The following SLC24A1 variants were observed in gnomAD, a reference collection of about 807,000 sequenced individuals.
The protein encoded by SLC24A1 is solute carrier family 24 member 1, also known as sodium/potassium/calcium exchanger 1.
SLC24A1 carries 52 observed loss-of-function variants against 88.1 expected under a neutral mutation model. That is an observed-to-expected ratio of 0.59 (90% CI 0.47 to 0.74). The LOEUF is 0.74. Among genes scored for constraint, SLC24A1 ranks in the 30% least tolerant of loss-of-function variants. The pLI, the probability that SLC24A1 is intolerant of heterozygous loss-of-function variation, is 0.00. For synonymous variants in SLC24A1, 455 were observed against 498.0 expected (o/e 0.91, Z 1.15); for missense variants, 1,173 against 1,363.3 (o/e 0.86, Z 2.20).
Position 65,655,305 on chromosome 15 carries a change from G to A in SLC24A1, c.*1226G>A, listed in dbSNP as rs1009208034. On this transcript the variant is annotated 3_prime_UTR_variant, in exon 10 of 10. Coordinates refer to ENST00000261892, the MANE Select transcript of SLC24A1 (RefSeq NM_004727.3). The stretch of plus-strand genomic sequence containing the variant: ...CTATTTTTGTATGCCAACCTAGATA[G>A]GATTATAAAGCAAGACTGATTTCTT... 1 of 985,448 alleles carries A rather than the reference G, an allele frequency of 1.0e-6. No homozygotes were observed. The highest frequency in any genetic ancestry group is 1.7e-5 in the African/African-American group (1 of 57,330). The allele number at this position is 985,448 out of a possible 1,614,324, so 61.0% of individuals were successfully genotyped here.
intron 6 of SLC24A1, 82 bp downstream of exon 6, chr15:65,645,785 G>A (rs2075283431): frequency 3.4e-6 from 3 of 889,684 alleles, no homozygotes; most frequent in African/African-American, 1.7e-5. Flanking sequence ...CTCCCTGAAG[G>A]TCTGAAATCC....
intron 2 of SLC24A1, among the ~76,000 whole-genome samples, chr15:65,615,893 A>G (rs1220883733): frequency 8.3e-5 from 1 of 12,076 alleles, no homozygotes; most frequent in Non-Finnish European, 1.7e-4. Flanking sequence ...CCCACCCCCC[A>G]ACAGGCCCCA....
chr15:65,654,681 T>C lies in SLC24A1; in HGVS notation c.*602T>C, dbSNP rs1297720948. 1.8e-5 allele frequency: 23 copies of C among 1,271,658 alleles called. No individual in the cohort carries two copies. Among genetic ancestry groups the C allele is most frequent in the Non-Finnish European group, 2.3e-5 (23 of 983,698 alleles). The allele number at this position is 1,271,658 out of a possible 1,614,324, so 78.8% of individuals were successfully genotyped here. A position where few individuals can be genotyped will look rare whatever the true frequency, so the allele number is the denominator to read the frequency against. On this transcript the variant is annotated 3_prime_UTR_variant, in exon 10 of 10. Transcript: ENST00000261892. Reference sequence around the variant, plus strand: ...GATCATTCCACGTTTTGTAGCCCACTGCATCTGGATATATACCAGTATTTT... The same window carrying C: ...GATCATTCCACGTTTTGTAGCCCACCGCATCTGGATATATACCAGTATTTT...
At chr15:65,647,225 C>A (rs2075329933) in intron 6 of SLC24A1, among the ~76,000 whole-genome samples, 1 of 152,124 alleles carries the variant, frequency 6.6e-6, no homozygotes, top group Admixed American at 6.5e-5. Flanking sequence ...CACCTGTAAT[C>A]CCTGCACTTT....
upstream of SLC24A1, among the ~76,000 whole-genome samples, chr15:65,619,967 A>G (rs1261798509): frequency 6.6e-6 from 1 of 151,972 alleles, no homozygotes; most frequent in Non-Finnish European, 1.5e-5. Flanking sequence ...AAAGATCATG[A>G]GCTTTTTGAG....
chr15:65,629,131 T>G (rs1457009939), intron 2 of SLC24A1, among the ~76,000 whole-genome samples: 1 of 152,216 alleles, frequency 6.6e-6, no homozygotes, highest in African/African-American at 2.4e-5. Flanking sequence ...GGTATTCTTC[T>G]TCCTGAGCAA....
In SLC24A1 at chr15:65,652,638, C is replaced by T. The variant is rs1173133254; in HGVS notation, c.2884-4C>T. On this transcript the variant is annotated splice_region_variant and splice_polypyrimidine_tract_variant and intron_variant, in intron 8 of 9. Coordinates refer to ENST00000261892, the MANE Select transcript of SLC24A1 (RefSeq NM_004727.3). ...ACCTACTGTTGACCGTTGCCGTTTA[C>T]CAGGTTGGTGAAACAATAGGGATTT... is the stretch of plus-strand genomic sequence containing the variant. 1 of 1,613,458 alleles carries T rather than the reference C, an allele frequency of 6.2e-7. No homozygotes were observed. The highest frequency in any genetic ancestry group is 8.5e-7 in the Non-Finnish European group (1 of 1,179,692).
chr15:65,649,514 T>A (rs530907372), intron 6 of SLC24A1, among the ~76,000 whole-genome samples: 1 of 152,268 alleles, frequency 6.6e-6, no homozygotes, highest in East Asian at 1.9e-4. Context: ...GGACCACCCA[T>A]ATTCAAATCC....
intron 1 of SLC24A1, among the ~76,000 whole-genome samples, chr15:65,622,555 T>A (rs2074354960): frequency 6.6e-6 from 1 of 152,148 alleles, no homozygotes; most frequent in East Asian, 1.9e-4. Context: ...TAATATATCA[T>A]ATGCAAAACT....
chr15:65,627,790 A>G lies in SLC24A1; in HGVS notation c.1890+1820A>G, dbSNP rs1271469657. Reference sequence around the variant, plus strand: ...ATTCTGCTTTTATTTAGACTCTACAAACTCTGACCATCAAAGCAAAGCTTG... The same window carrying G: ...ATTCTGCTTTTATTTAGACTCTACAGACTCTGACCATCAAAGCAAAGCTTG... On this transcript the variant is annotated intron_variant, in intron 2 of 9. Transcript: ENST00000261892. Among the ~76,000 whole-genome samples the G allele has an allele frequency of 3.9e-5, 6 of 152,176 alleles. No homozygotes were observed. The East Asian group carries it at 9.6e-4, about 24-fold the overall frequency.
intron 2 of SLC24A1, among the ~76,000 whole-genome samples, chr15:65,627,981 G>C (rs895023668): frequency 6.6e-6 from 1 of 152,130 alleles, no homozygotes; most frequent in African/African-American, 2.4e-5. Flanking sequence ...TTTTTAAAGA[G>C]ACAGGGTCTT....
At position 65,639,671 on chromosome 15, in the gene SLC24A1, T is replaced by A. The variant is rs2075059667; in HGVS notation, c.2021T>A (p.Leu674His). 1 of 1,612,688 alleles carries A rather than the reference T, an allele frequency of 6.2e-7. No individual in the cohort carries two copies. Among genetic ancestry groups the A allele is most frequent in the Non-Finnish European group, 8.5e-7 (1 of 1,179,442 alleles). The change falls in exon 4 of 10, where the codon CTC becomes CAC. Residue 674 changes from leucine to histidine, a missense_variant. Physicochemically the swap from Leu to His is moderately conservative, Grantham distance 99 (BLOSUM62 -3). Transcript: ENST00000261892. ...NSTIRSTIYQ[L>H]MLHSLDPLRE... ...ACCATCCGCAGCACCATCTACCAGC[T>A]CATGCTCCACAGCCTGGACCCCCTG...
intron 2 of SLC24A1, among the ~76,000 whole-genome samples, chr15:65,615,872 T>TCCCCCCCCCC (rs1243240712): frequency 2.1e-5 from 2 of 94,546 alleles, no homozygotes; most frequent in African/African-American, 5.2e-5. Context: ...ATGCTATCCC[T>TCCCCCCCCCC]CCCCCACCCC....
upstream of SLC24A1, among the ~76,000 whole-genome samples, chr15:65,617,146 G>A (rs565113748): frequency 6.6e-6 from 1 of 152,328 alleles, no homozygotes; most frequent in South Asian, 2.1e-4. Context: ...ATAGTTTGAA[G>A]TCAGGTGGCG....
At chr15:65,611,612 T>G in exon 1 of SLC24A1, 1 of 174,012 alleles carries the variant, frequency 5.7e-6, no homozygotes. Context: ...CTGAACCGGT[T>G]GACAGAATCC....
intron 8 of SLC24A1, chr15:65,651,967 G>T: frequency 1.8e-6 from 1 of 566,502 alleles, no homozygotes; most frequent in Non-Finnish European, 3.3e-6. Context: ...CTGTAGCATG[G>T]CATAGAAGGC....
chr15:65,649,745 T>C (rs987960356), intron 6 of SLC24A1, among the ~76,000 whole-genome samples: 1 of 152,208 alleles, frequency 6.6e-6, no homozygotes, highest in African/African-American at 2.4e-5. Context: ...ATTTTGTAGA[T>C]ATAAGGTAAT....
intron 6 of SLC24A1, among the ~76,000 whole-genome samples, chr15:65,646,712 C>T (rs1205357490): frequency 6.6e-6 from 1 of 152,154 alleles, no homozygotes; most frequent in Non-Finnish European, 1.5e-5. Context: ...ACAGCTGGCT[C>T]AATATATGTT....
intron 7 of SLC24A1, 59 bp from the exon 8 acceptor site, chr15:65,651,611 G>T (rs181087568): frequency 1.2e-6 from 1 of 866,068 alleles, no homozygotes; most frequent in Non-Finnish European, 1.9e-6. Flanking sequence ...TGCTCAGAAG[G>T]GCCAAAGACC....
Sources: gnomAD v4.1 joint callset for allele counts (sites outside exome capture counted in the v4.1 genomes callset) on GRCh38, gnomAD v4.1.1 for gene constraint, MANE v1.5 for transcripts, NCBI Gene and HGNC (gene_info 2026-07-23, HGNC 2026-07-21) for gene names.